MAP2K2: variants seen among roughly 807,000 people sequenced by gnomAD.
MAP2K2 encodes the protein mitogen-activated protein kinase kinase 2, also known as dual specificity mitogen-activated protein kinase kinase 2.
Under a neutral mutation model 43.7 loss-of-function variants are expected in MAP2K2, and 24 were observed. The observed-to-expected ratio is 0.55, with a 90% CI of 0.40 to 0.77. The LOEUF is 0.77. Ranked by LOEUF, MAP2K2 falls within the 30% of genes least tolerant of loss-of-function variation. The probability of loss-of-function intolerance (pLI) is 0.00; values close to 1 mark genes in which losing one functional copy is unlikely to be tolerated. For synonymous variants in MAP2K2, 244 were observed against 239.7 expected (o/e 1.02, Z -0.17); for missense variants, 470 against 566.8 (o/e 0.83, Z 1.73).
chr19:4,123,771 C>A lies in MAP2K2; in HGVS notation c.92+13G>T, dbSNP rs1290308435. The A allele has an allele frequency of 6.5e-7, 1 of 1,539,720 alleles. No individual in the cohort carries two copies. Reference sequence around the variant, plus strand: ...GTGCACCCCAAGCCTCCGGCTGACCCCTGCCCACTCACTCGGAGGCGCCCT... The same window carrying A: ...GTGCACCCCAAGCCTCCGGCTGACCACTGCCCACTCACTCGGAGGCGCCCT... On this transcript the variant is annotated intron_variant, in intron 1 of 10. Coordinates refer to ENST00000262948, the MANE Select transcript of MAP2K2 (RefSeq NM_030662.4).
chr19:4,104,818 G>GCCTTTCTCCACTGTGACAT (rs1346994678), intron 3 of MAP2K2: 1 of 152,272 alleles, frequency 6.6e-6, no homozygotes, highest in African/African-American at 2.4e-5. Context: ...CTCTGCAGCC[G>GCCTTTCTCCACTGTGACAT]CCTTTCTCCA....
At chr19:4,114,719 T>C (rs1346752938) in intron 2 of MAP2K2, among the ~76,000 whole-genome samples, 1 of 152,056 alleles carries the variant, frequency 6.6e-6, no homozygotes, top group Non-Finnish European at 1.5e-5. Flanking sequence ...GAGGCCAAGA[T>C]GCATGGATTC....
At position 4,099,315 on chromosome 19, in the gene MAP2K2, G is replaced by A. The variant is rs2145050125; in HGVS notation, c.805C>T (p.Pro269Ser). 6.2e-7 allele frequency: 1 copy of A among 1,608,328 alleles called. No homozygotes were observed. Among genetic ancestry groups the A allele is most frequent in the Non-Finnish European group, 8.5e-7 (1 of 1,177,762 alleles). ...GCCTCCAGCTCTTTGGCGTCGGGCG[G>A]GGGGATGGGGTACCTTCCGACGGCC... Reference protein sequence around the residue: ...ELAVGRYPIPPPDAKELEAIF... With the variant: ...ELAVGRYPIPSPDAKELEAIF... Residue 269 changes from proline to serine, a missense_variant, in exon 7 of 11, where the codon CCG (proline) becomes TCG (serine). Pro to Ser is a moderately conservative substitution (Grantham distance 74). Transcript: ENST00000262948.
chr19:4,099,474 G>A (rs1472843602), intron 6 of MAP2K2, 60 bp from the exon 7 acceptor site: 4 of 1,408,074 alleles, frequency 2.8e-6, no homozygotes, highest in South Asian at 1.2e-5. Flanking sequence ...TGGAACCCGG[G>A]AGGCTTGCCC....
Position 4,107,352 on chromosome 19 carries a change from G to A in MAP2K2, c.450+3157C>T, listed in dbSNP as rs191245169. On this transcript the variant is annotated intron_variant, in intron 3 of 10. Coordinates refer to ENST00000262948, the MANE Select transcript of MAP2K2 (RefSeq NM_030662.4). ...ATCCTGGCTAACACAGCGAAACCCC[G>A]TCTCTACTAAAAATACAAAAAATTA... Among the ~76,000 whole-genome samples, 16 of 151,652 alleles carry A rather than the reference G, an allele frequency of 1.1e-4. No individual in the cohort carries two copies. In the East Asian group the frequency reaches 2.5e-3, roughly 24 times the overall value.
At chr19:4,107,508 A>G (rs1263964477) in intron 3 of MAP2K2, among the ~76,000 whole-genome samples, 2 of 134,504 alleles carry the variant, frequency 1.5e-5, no homozygotes, top group African/African-American at 2.9e-5. Context: ...TGGGCGACAG[A>G]GCTAGACTCC....
chr19:4,119,678 T>C (rs1430936995), intron 1 of MAP2K2, among the ~76,000 whole-genome samples: 4 of 152,246 alleles, frequency 2.6e-5, no homozygotes, highest in Non-Finnish European at 5.9e-5. Flanking sequence ...TCTCGTGGGT[T>C]TGGGCAATTC....
intron 1 of MAP2K2, 110 bp from the exon 2 acceptor site, chr19:4,117,739 G>C: frequency 1.1e-6 from 1 of 925,514 alleles, no homozygotes; most frequent in Non-Finnish European, 1.8e-6. Flanking sequence ...CTGGATTCCT[G>C]CACTTGAGGG....
At chr19:4,093,927 C>T (rs2040878586) in intron 10 of MAP2K2, among the ~76,000 whole-genome samples, 1 of 152,094 alleles carries the variant, frequency 6.6e-6, no homozygotes. Context: ...GGATGATGCC[C>T]GGGGCCCTCC....
chr19:4,105,931 G>A (rs1033996549), intron 3 of MAP2K2, among the ~76,000 whole-genome samples: 2 of 152,046 alleles, frequency 1.3e-5, no homozygotes, highest in Non-Finnish European at 2.9e-5. Context: ...CCAAAGTGCT[G>A]GGATCACAGG....
intron 3 of MAP2K2, among the ~76,000 whole-genome samples, chr19:4,109,695 C>T (rs1020142089): frequency 1.3e-5 from 2 of 152,122 alleles, no homozygotes; most frequent in Admixed American, 6.6e-5. Context: ...AGCCTGGTAT[C>T]GAACTCCTGG....
At chr19:4,095,293 G>A (rs1379336279) in intron 9 of MAP2K2, 95 bp downstream of exon 9, 1 of 1,105,816 alleles carries the variant, frequency 9.0e-7, no homozygotes, top group African/African-American at 1.6e-5. Flanking sequence ...TGGGATTCTG[G>A]ATGGGCAGGC....
chr19:4,097,205 T>TAA (rs10681431), intron 8 of MAP2K2, 74 bp downstream of exon 8: 26,948 of 544,428 alleles, frequency 0.049, 29 homozygotes, highest in East Asian at 0.072. Context: ...AGACTCTGCC[T>TAA]AAAAAAAAAA....
In MAP2K2 at chr19:4,101,439, G is replaced by A. The variant is rs1004807180; in HGVS notation, c.529-159C>T. Among the ~76,000 whole-genome samples the A allele has an allele frequency of 3.3e-5, 5 of 152,176 alleles. No homozygotes were observed. The highest frequency in any genetic ancestry group is 1.2e-4 in the African/African-American group (5 of 41,430). The stretch of plus-strand genomic sequence containing the variant: ...AGCTCGCTGGGGTGGAGCAAGCGAG[G>A]CCAGAGACGAGACAGTGCTGACAGC... On this transcript the variant is annotated intron_variant, in intron 4 of 10. Coordinates refer to ENST00000262948, the MANE Select transcript of MAP2K2 (RefSeq NM_030662.4). The surrounding 1 kb of genome is among the most constrained non-coding windows in gnomAD (Gnocchi z 6.3).
chr19:4,106,835 A>G (rs1014468425), intron 3 of MAP2K2, among the ~76,000 whole-genome samples: 11 of 152,216 alleles, frequency 7.2e-5, no homozygotes, highest in Non-Finnish European at 1.5e-4. Context: ...ATCATTCTTT[A>G]ATCACTCCCT....
At chr19:4,111,685 T>G (rs1024745998) in intron 2 of MAP2K2, among the ~76,000 whole-genome samples, 1 of 152,226 alleles carries the variant, frequency 6.6e-6, no homozygotes. Flanking sequence ...GCCTGGTGTG[T>G]GGCTCACGCC....
At chr19:4,113,717 G>A (rs2041184393) in intron 2 of MAP2K2, among the ~76,000 whole-genome samples, 1 of 152,182 alleles carries the variant, frequency 6.6e-6, no homozygotes, top group Non-Finnish European at 1.5e-5. Context: ...CTGGCTCGGA[G>A]GTGGAGACGG....
intron 2 of MAP2K2, among the ~76,000 whole-genome samples, chr19:4,112,051 C>T (rs568075305): frequency 1.1e-4 from 16 of 152,322 alleles, no homozygotes; most frequent in Non-Finnish European, 2.4e-4. Context: ...AGAGCCAGGA[C>T]CCCCAGCATG....
chr19:4,098,305 G>C (rs1258583113), intron 7 of MAP2K2, among the ~76,000 whole-genome samples: 1 of 152,168 alleles, frequency 6.6e-6, no homozygotes, highest in Non-Finnish European at 1.5e-5. Context: ...ATGGGGACAG[G>C]GTTTCCTCTT....
Sources: gnomAD v4.1 joint callset for allele counts (sites outside exome capture counted in the v4.1 genomes callset) on GRCh38, gnomAD v4.1.1 for gene constraint, Gnocchi (gnomAD v3.1) non-coding constraint, MANE v1.5 for transcripts, NCBI Gene and HGNC (gene_info 2026-07-23, HGNC 2026-07-21) for gene names.